Variants in DOCK3 observed in about 807,000 individuals in gnomAD.
DOCK3 encodes dedicator of cytokinesis 3.
DOCK3 carries 60 observed loss-of-function variants against 265.6 expected under a neutral mutation model. The observed-to-expected ratio is 0.23, with a 90% CI of 0.18 to 0.28. The LOEUF (loss-of-function observed/expected upper bound fraction) is 0.28. Among genes scored for constraint, DOCK3 ranks in the 10% least tolerant of loss-of-function variants. The probability of loss-of-function intolerance (pLI) is 1.00; values close to 1 mark genes in which losing one functional copy is unlikely to be tolerated. For missense variants in DOCK3, 1,981 were observed against 2,594.3 expected (o/e 0.76, Z 5.14); for synonymous variants, 881 against 938.0 (o/e 0.94, Z 1.11).
intron 12 of DOCK3, among the ~76,000 whole-genome samples, chr3:51,192,671 C>T (rs2088018071): frequency 6.6e-6 from 1 of 152,014 alleles, no homozygotes. Context: ...AGAGAAGCTC[C>T]CATCTGAAAT....
At chr3:51,378,454 A>G (rs533824912) in intron 51 of DOCK3, among the ~76,000 whole-genome samples, 8 of 152,260 alleles carry the variant, frequency 5.3e-5, no homozygotes, top group Non-Finnish European at 7.4e-5. Context: ...AGGCCCTGAA[A>G]TTCCCATCTC....
At chr3:50,990,871 G>C (rs1365967234) in intron 5 of DOCK3, among the ~76,000 whole-genome samples, 1 of 152,100 alleles carries the variant, frequency 6.6e-6, no homozygotes, top group Non-Finnish European at 1.5e-5. Context: ...TTGAGGATGG[G>C]TCTGCCTCTC....
At chr3:50,904,332 C>T (rs1559793313) in intron 4 of DOCK3, among the ~76,000 whole-genome samples, 3 of 152,284 alleles carry the variant, frequency 2.0e-5, no homozygotes. Context: ...CTTGAGGAAT[C>T]GCTACGCTGT....
At chr3:51,271,924 A>T (rs920278540) in intron 24 of DOCK3, among the ~76,000 whole-genome samples, 1 of 151,360 alleles carries the variant, frequency 6.6e-6, no homozygotes, top group African/African-American at 2.4e-5. Flanking sequence ...TTGCCATACC[A>T]TTCGATACCT....
chr3:50,909,706 T>A (rs1023901766), intron 4 of DOCK3, among the ~76,000 whole-genome samples: 1 of 150,244 alleles, frequency 6.7e-6, no homozygotes, highest in African/African-American at 2.5e-5. Context: ...TTGGGGTTGA[T>A]CTTCTTGTGG....
chr3:51,272,851 A>T (rs1014579819), intron 24 of DOCK3, among the ~76,000 whole-genome samples: 2 of 151,748 alleles, frequency 1.3e-5, no homozygotes, highest in African/African-American at 4.8e-5. Flanking sequence ...TACACACTTG[A>T]GCTTTGTGCA....
In DOCK3 at chr3:50,675,385, C is replaced by T; in HGVS notation, c.37+85C>T. 5.4e-6 allele frequency: 6 copies of T among 1,109,302 alleles called. No individual in the cohort carries two copies. Among genetic ancestry groups the T allele is most frequent in the Non-Finnish European group, 5.6e-6 (5 of 888,602 alleles). 68.7% of individuals were successfully genotyped at this position (1,109,302 alleles called of 1,614,324 possible). On this transcript the variant is annotated intron_variant, in intron 1 of 52. Coordinates refer to ENST00000266037, the MANE Select transcript of DOCK3 (RefSeq NM_004947.5). The surrounding 1 kb of genome is among the most constrained non-coding windows in gnomAD (Gnocchi z 6.1). ...CCCCGCCTGGATTCGCATCCTCGTG[C>T]CCCCGCCACTGCCCGCAGGCTGCGC...
intron 2 of DOCK3, among the ~76,000 whole-genome samples, chr3:50,803,698 G>T (rs1039446396): frequency 2.0e-5 from 3 of 151,788 alleles, no homozygotes; most frequent in Admixed American, 2.0e-4. Flanking sequence ...ACCAGGCGGG[G>T]GCTGCCCCCC....
intron 5 of DOCK3, among the ~76,000 whole-genome samples, chr3:51,046,109 T>A (rs2080767979): frequency 6.6e-6 from 1 of 151,806 alleles, no homozygotes; most frequent in African/African-American, 2.4e-5. Flanking sequence ...TTAAAAGATA[T>A]AGAAAAAAGA....
At chr3:50,726,988 A>T (rs1268756433) in intron 1 of DOCK3, among the ~76,000 whole-genome samples, 1 of 152,210 alleles carries the variant, frequency 6.6e-6, no homozygotes, top group Non-Finnish European at 1.5e-5. Context: ...TCTTAAATAT[A>T]CACAAACAGC....
At chr3:51,194,887 C>A (rs1051480811) in intron 12 of DOCK3, among the ~76,000 whole-genome samples, 2 of 139,578 alleles carry the variant, frequency 1.4e-5, no homozygotes, top group Middle Eastern at 9.2e-3. Context: ...TGCAGTGATG[C>A]GATATCGGTT....
At chr3:50,678,388 G>T (rs954562837) in intron 1 of DOCK3, among the ~76,000 whole-genome samples, 2 of 152,096 alleles carry the variant, frequency 1.3e-5, no homozygotes, top group Non-Finnish European at 2.9e-5. Flanking sequence ...TGAAACACCT[G>T]TCTTTCCCTA....
chr3:50,696,814 C>G (rs2035652759), intron 1 of DOCK3, among the ~76,000 whole-genome samples: 1 of 152,102 alleles, frequency 6.6e-6, no homozygotes, highest in Non-Finnish European at 1.5e-5. Flanking sequence ...TCTTTGGACT[C>G]AGGTTAAGAA....
At chr3:51,348,387 T>C (rs2085738963) in intron 38 of DOCK3, among the ~76,000 whole-genome samples, 1 of 152,228 alleles carries the variant, frequency 6.6e-6, no homozygotes, top group Admixed American at 6.5e-5. Context: ...AATCTAAAAA[T>C]TAGTGTTTCA....
At chr3:50,841,436 A>G (rs542195461) in intron 2 of DOCK3, among the ~76,000 whole-genome samples, 21 of 152,278 alleles carry the variant, frequency 1.4e-4, no homozygotes, top group African/African-American at 4.8e-4. Context: ...AGTCTTTTCT[A>G]ATTGCATTTT....
chr3:50,949,476 A>G (rs1238576752), intron 5 of DOCK3, among the ~76,000 whole-genome samples: 1 of 152,136 alleles, frequency 6.6e-6, no homozygotes, highest in Non-Finnish European at 1.5e-5. Flanking sequence ...TTTAGTCTTT[A>G]CCCATGTTTA....
rs539288677 is a variant in DOCK3 at position 51,248,950 on chromosome 3, C to T, written c.2184+2143C>T. On this transcript the variant is annotated intron_variant, in intron 22 of 52. Coordinates refer to ENST00000266037, the MANE Select transcript of DOCK3 (RefSeq NM_004947.5). ...CCATCTGAGAAGTGAGGAGACCCTC[C>T]GCCCGGCAGCCGCCCCTATGAGAAG... 6.4e-3 allele frequency among the ~76,000 whole-genome samples: 934 copies of T among 145,942 alleles called. 6 individuals are homozygous for T. Among genetic ancestry groups the T allele is most frequent in the African/African-American group, 0.022 (862 of 39,222 alleles).
chr3:51,099,745 A>G (rs2083008494), intron 9 of DOCK3, among the ~76,000 whole-genome samples: 3 of 152,382 alleles, frequency 2.0e-5, no homozygotes, highest in Admixed American at 2.0e-4. Context: ...AAGCTTACAT[A>G]GTAGGGACAG....
chr3:50,740,641 C>T (rs1376645231), intron 1 of DOCK3, among the ~76,000 whole-genome samples: 1 of 152,002 alleles, frequency 6.6e-6, no homozygotes, highest in East Asian at 1.9e-4. Flanking sequence ...GTTTTACCGT[C>T]TTGGAAGTGA....
Sources: allele counts gnomAD v4.1 joint callset (sites outside exome capture counted in the v4.1 genomes callset), GRCh38; gene constraint gnomAD v4.1.1; non-coding constraint Gnocchi (gnomAD v3.1); transcripts MANE v1.5; gene names NCBI Gene and HGNC (gene_info 2026-07-23, HGNC 2026-07-21).